Variants in TTC7B observed in about 807,000 individuals in gnomAD.
The protein encoded by TTC7B is tetratricopeptide repeat domain 7B.
TTC7B carries 28 observed loss-of-function variants against 106.8 expected under a neutral mutation model. The observed-to-expected ratio is 0.26, with a 90% CI of 0.19 to 0.36. The LOEUF (loss-of-function observed/expected upper bound fraction) is 0.36. Among genes scored for constraint, TTC7B ranks in the 10% least tolerant of loss-of-function variants. The pLI, the probability that TTC7B is intolerant of heterozygous loss-of-function variation, is 1.00. For synonymous variants in TTC7B, 405 were observed against 430.6 expected (o/e 0.94, Z 0.74); for missense variants, 862 against 1,076.4 (o/e 0.80, Z 2.79).
chr14:90,549,811 C>T (rs1044147494), intron 19 of TTC7B, among the ~76,000 whole-genome samples: 21 of 152,096 alleles, frequency 1.4e-4, no homozygotes, highest in African/African-American at 4.6e-4. Context: ...TGGACTAACT[C>T]GTTTAGTAAG....
At chr14:90,748,024 A>G (rs1271054875) in intron 3 of TTC7B, among the ~76,000 whole-genome samples, 1 of 152,148 alleles carries the variant, frequency 6.6e-6, no homozygotes, top group Non-Finnish European at 1.5e-5. Context: ...CTTGGTATTT[A>G]AAGTGTATTT....
At chr14:90,683,810 CAAG>C (rs1431292637) in intron 7 of TTC7B, among the ~76,000 whole-genome samples, 3 of 152,154 alleles carry the variant, frequency 2.0e-5, no homozygotes, top group African/African-American at 7.2e-5. Context: ...ACACCAGAGG[CAAG>C]GAGATGACAG....
At position 90,541,355 on chromosome 14, in the gene TTC7B, G is replaced by T. The variant is rs1010977643; in HGVS notation, c.*13C>A. ...TGAGGCCTGAGCGGCAGGTGAGGCT[G>T]GCAGGCGCCTGCTCAGAGCACGCGG... is the stretch of plus-strand genomic sequence containing the variant. On this transcript the variant is annotated 3_prime_UTR_variant, in exon 20 of 20. Transcript: ENST00000328459. The T allele has an allele frequency of 6.4e-6, 10 of 1,568,154 alleles. No individual in the cohort carries two copies. Among genetic ancestry groups the T allele is most frequent in the Non-Finnish European group, 6.9e-6 (8 of 1,156,810 alleles).
At position 90,537,722 on chromosome 14, in the gene TTC7B, C is replaced by A. The variant is rs1294560; in HGVS notation, c.*3646G>T. 0.64 allele frequency: 97,454 copies of A among 151,680 alleles called. 32,369 individuals carry two copies. Among genetic ancestry groups the A allele is most frequent in the South Asian group, 0.73 (3,495 of 4,802 alleles). The allele number at this position is 151,680 out of a possible 1,614,324, so 9.4% of individuals were successfully genotyped here. On this transcript the variant is annotated 3_prime_UTR_variant, in exon 20 of 20. Transcript: ENST00000328459. ...AGATGTCACCTTCTTAGCGAGGCTT[C>A]CCTAGTCACCTTCTAAACAGCAGCC... is the stretch of plus-strand genomic sequence containing the variant.
At chr14:90,652,781 T>C (rs1595248325) in intron 13 of TTC7B, 60 bp downstream of exon 13, 2 of 1,555,324 alleles carry the variant, frequency 1.3e-6, no homozygotes, top group East Asian at 2.2e-5. Flanking sequence ...CTTCTTTTTA[T>C]ACTCATCATA....
chr14:90,626,600 T>C (rs1366013729), intron 15 of TTC7B, among the ~76,000 whole-genome samples: 1 of 152,212 alleles, frequency 6.6e-6, no homozygotes, highest in East Asian at 1.9e-4. Context: ...AACTCAAATG[T>C]CTTCCAAAAC....
chr14:90,599,247 G>A (rs772104123), intron 17 of TTC7B, among the ~76,000 whole-genome samples: 17 of 152,188 alleles, frequency 1.1e-4, no homozygotes, highest in African/African-American at 3.1e-4. Flanking sequence ...AAGTGTTGCC[G>A]AATAAATAGG....
Position 90,645,881 on chromosome 14 carries a change from T to C in TTC7B, c.1590+1070A>G, listed in dbSNP as rs573625242. Reference sequence around the variant, plus strand: ...ATGATGGGCATGGGTTCCTGGAACCTACAGTCCAGTGAGAAAGACAGATAC... The same window carrying C: ...ATGATGGGCATGGGTTCCTGGAACCCACAGTCCAGTGAGAAAGACAGATAC... On this transcript the variant is annotated intron_variant, in intron 14 of 19. Transcript: ENST00000328459. 7.2e-4 allele frequency among the ~76,000 whole-genome samples: 109 copies of C among 152,280 alleles called. 1 individual carries two copies. The highest frequency in any genetic ancestry group is 1.3e-4 in the Non-Finnish European group (9 of 68,026).
rs1889543320 is a variant in TTC7B at position 90,540,662 on chromosome 14, G to T, written c.*706C>A. On this transcript the variant is annotated 3_prime_UTR_variant, in exon 20 of 20. Transcript: ENST00000328459. ...GTGTCTGTCATGTATAAGGAATGTCGGTAAATATTCCATTTGAAGCTTCTT... is the reference window on the plus strand; with the variant it reads ...GTGTCTGTCATGTATAAGGAATGTCTGTAAATATTCCATTTGAAGCTTCTT... 6.5e-6 allele frequency: 1 copy of T among 153,538 alleles called. No homozygotes were observed. Among genetic ancestry groups the T allele is most frequent in the Non-Finnish European group, 1.5e-5 (1 of 68,032 alleles). The allele number at this position is 153,538 out of a possible 1,614,324, so 9.5% of individuals were successfully genotyped here. A position where few individuals can be genotyped will look rare whatever the true frequency, so the allele number is the denominator to read the frequency against.
At chr14:90,756,376 T>C (rs1566872511) in intron 3 of TTC7B, among the ~76,000 whole-genome samples, 2 of 37,824 alleles carry the variant, frequency 5.3e-5, no homozygotes, top group Admixed American at 2.8e-4. Flanking sequence ...TTTCTTCTTT[T>C]TTTTTTTGTT....
intron 1 of TTC7B, among the ~76,000 whole-genome samples, chr14:90,787,718 C>A (rs1891440283): frequency 6.6e-6 from 1 of 152,190 alleles, no homozygotes; most frequent in South Asian, 2.1e-4. Flanking sequence ...ACTGCTGAAT[C>A]TATAGGTCTT....
chr14:90,752,108 G>A (rs2140008335), intron 3 of TTC7B, among the ~76,000 whole-genome samples: 1 of 152,260 alleles, frequency 6.6e-6, no homozygotes, highest in East Asian at 1.9e-4. Flanking sequence ...GCAGGCTGAG[G>A]ACCCTCTATA....
intron 3 of TTC7B, among the ~76,000 whole-genome samples, chr14:90,758,503 C>T (rs1017168861): frequency 1.3e-5 from 2 of 151,936 alleles, no homozygotes; most frequent in African/African-American, 4.8e-5. Context: ...AAGGCCGACC[C>T]GGCCGAGGAC....
chr14:90,659,807 T>C (rs1411013737), intron 9 of TTC7B, among the ~76,000 whole-genome samples: 1 of 152,168 alleles, frequency 6.6e-6, no homozygotes, highest in Non-Finnish European at 1.5e-5. Context: ...TATCTATGTG[T>C]TAATTTTTCA....
At chr14:90,633,737 A>C (rs1160141922) in intron 15 of TTC7B, among the ~76,000 whole-genome samples, 1 of 152,230 alleles carries the variant, frequency 6.6e-6, no homozygotes, top group Admixed American at 6.5e-5. Context: ...GTATTAATGA[A>C]GGGAAATTTC....
At chr14:90,619,966 C>T (rs577824994) in intron 15 of TTC7B, among the ~76,000 whole-genome samples, 53 of 152,232 alleles carry the variant, frequency 3.5e-4, no homozygotes, top group Admixed American at 1.8e-3. Context: ...TTCAAAGGTA[C>T]CTTAGAGGAG....
At chr14:90,774,920 G>T (rs191656924) in intron 3 of TTC7B, among the ~76,000 whole-genome samples, 6 of 152,264 alleles carry the variant, frequency 3.9e-5, no homozygotes, top group African/African-American at 1.2e-4. Context: ...GCACGCACCT[G>T]TAATCCCAGC....
At chr14:90,710,027 G>T (rs1595305791) in intron 5 of TTC7B, among the ~76,000 whole-genome samples, 1 of 125,490 alleles carries the variant, frequency 8.0e-6, no homozygotes, top group Non-Finnish European at 1.7e-5. Context: ...GCTGCTAACT[G>T]TCAATATTTT....
rs763226230 is a variant in TTC7B, at chr14:90,655,010, C to T, written c.1442G>A (p.Ser481Asn). The stretch of plus-strand genomic sequence containing the variant: ...TCTCTCACCGTCAGTGGCCTGCAGA[C>T]TGTACGTGAGCCCCAGAGCTAAGTA... ...KGYLALGLTY[S>N]LQATDASLRG... The change falls in exon 12 of 20, where the codon AGT becomes AAT. Residue 481 changes from serine (S) to asparagine (N), a missense_variant. Ser to Asn is a conservative substitution (Grantham distance 46, BLOSUM62 1). Coordinates refer to ENST00000328459, the MANE Select transcript of TTC7B (RefSeq NM_001010854.2). The T allele has an allele frequency of 6.2e-7, 1 of 1,613,974 alleles. No homozygotes were observed. The highest frequency in any genetic ancestry group is 1.7e-5 in the Admixed American group (1 of 60,024).
Sources: gnomAD v4.1 joint callset for allele counts (sites outside exome capture counted in the v4.1 genomes callset) on GRCh38, gnomAD v4.1.1 for gene constraint, MANE v1.5 for transcripts, NCBI Gene and HGNC (gene_info 2026-07-23, HGNC 2026-07-21) for gene names.